The following ANKFN1 variants were observed in gnomAD, a reference collection of about 807,000 sequenced individuals.
ANKFN1 encodes the protein ankyrin repeat and fibronectin type-III domain-containing protein 1.
Under a neutral mutation model 108.7 loss-of-function variants are expected in ANKFN1, and 74 were observed. The ratio of observed to expected loss-of-function variants is 0.68; its 90% CI spans 0.56 to 0.83. The LOEUF (loss-of-function observed/expected upper bound fraction) is 0.83. Ranked by LOEUF, ANKFN1 falls within the 40% of genes least tolerant of loss-of-function variation. The probability of loss-of-function intolerance (pLI) is 0.00; values close to 1 mark genes in which losing one functional copy is unlikely to be tolerated. For missense variants in ANKFN1, 1,505 were observed against 1,382.3 expected (o/e 1.09, Z -1.41); for synonymous variants, 547 against 516.2 (o/e 1.06, Z -0.81).
intron 6 of ANKFN1, among the ~76,000 whole-genome samples, chr17:56,371,169 G>C (rs891170021): frequency 6.6e-6 from 1 of 152,002 alleles, no homozygotes; most frequent in Non-Finnish European, 1.5e-5. Flanking sequence ...ACAGTATTTA[G>C]AGTACATGAT....
At chr17:56,051,544 A>G (rs897908321) in intron 4 of ANKFN1, among the ~76,000 whole-genome samples, 19 of 143,608 alleles carry the variant, frequency 1.3e-4, no homozygotes, top group African/African-American at 5.0e-4. Context: ...CTCCTATTCA[A>G]CATAGTGTTG....
chr17:56,277,826 A>G (rs368802249), intron 3 of ANKFN1, among the ~76,000 whole-genome samples: 1 of 152,202 alleles, frequency 6.6e-6, no homozygotes, highest in African/African-American at 2.4e-5. Context: ...CAGTATAGGT[A>G]TATGTTTATG....
intron 8 of ANKFN1, among the ~76,000 whole-genome samples, chr17:56,430,663 G>A (rs918555866): frequency 6.6e-6 from 1 of 151,950 alleles, no homozygotes; most frequent in Non-Finnish European, 1.5e-5. Flanking sequence ...AAATTTAATG[G>A]CAACTGCTAA....
rs549195277 is a variant in ANKFN1, at chr17:56,237,979, T to C, written c.53+10022T>C. Among the ~76,000 whole-genome samples the C allele has an allele frequency of 2.0e-5, 3 of 152,282 alleles. No individual in the cohort carries two copies. In the South Asian group the frequency reaches 6.2e-4, roughly 32 times the overall value. ...CCAGAGATTCTGGTATGTTTTATCA[T>C]TGTTCTCATTAGTTTCAAAGAACTT... On this transcript the variant is annotated intron_variant, in intron 3 of 20. Transcript: ENST00000682825.
chr17:56,347,439 T>G (rs958681097), intron 4 of ANKFN1, among the ~76,000 whole-genome samples: 1 of 152,070 alleles, frequency 6.6e-6, no homozygotes, highest in Admixed American at 6.6e-5. Flanking sequence ...ATTCATAGAA[T>G]TGAAATGAGA....
At chr17:56,250,155 C>T (rs1266428155) in intron 3 of ANKFN1, among the ~76,000 whole-genome samples, 1 of 152,134 alleles carries the variant, frequency 6.6e-6, no homozygotes, top group African/African-American at 2.4e-5. Flanking sequence ...TTCTGTATTT[C>T]CTTTGGAAAC....
chr17:56,196,030 G>C (rs886487932), intron 1 of ANKFN1, among the ~76,000 whole-genome samples: 2 of 152,180 alleles, frequency 1.3e-5, no homozygotes, highest in Non-Finnish European at 2.9e-5. Context: ...ACCTTGGAAG[G>C]CTGAGGCAGG....
chr17:56,423,956 T>C (rs1427392675), intron 8 of ANKFN1, among the ~76,000 whole-genome samples: 1 of 152,178 alleles, frequency 6.6e-6, no homozygotes, highest in African/African-American at 2.4e-5. Flanking sequence ...CCTGAGTACA[T>C]AAAGATGTTT....
At chr17:56,287,977 C>T (rs1211641588) in intron 3 of ANKFN1, among the ~76,000 whole-genome samples, 1 of 152,104 alleles carries the variant, frequency 6.6e-6, no homozygotes, top group Admixed American at 6.5e-5. Flanking sequence ...AGTAAGTTAC[C>T]CTCAGATGCC....
chr17:56,326,075 C>G (rs1039783881), intron 3 of ANKFN1, 146 bp from the exon 4 acceptor site: 1 of 1,118,726 alleles, frequency 8.9e-7, no homozygotes. Context: ...AGAGAATACA[C>G]CTAGCCTCTG....
chr17:56,260,069 G>A (rs2043469270), intron 3 of ANKFN1, among the ~76,000 whole-genome samples: 1 of 152,150 alleles, frequency 6.6e-6, no homozygotes. Flanking sequence ...TGCAAGGATA[G>A]GCAAAAATAG....
chr17:56,319,707 AAG>A (rs923916023), intron 3 of ANKFN1, among the ~76,000 whole-genome samples: 1 of 152,136 alleles, frequency 6.6e-6, no homozygotes, highest in African/African-American at 2.4e-5. Context: ...GCTCCTTTTA[AAG>A]AGAGTTAGGT....
intron 6 of ANKFN1, among the ~76,000 whole-genome samples, chr17:56,368,375 G>T (rs1431473273): frequency 7.4e-6 from 1 of 135,360 alleles, no homozygotes; most frequent in Non-Finnish European, 1.5e-5. Flanking sequence ...CGCCTCCCAG[G>T]TTCAAGCAAT....
At chr17:56,066,235 A>G (rs946233753) in intron 4 of ANKFN1, among the ~76,000 whole-genome samples, 2 of 152,222 alleles carry the variant, frequency 1.3e-5, no homozygotes, top group Admixed American at 1.3e-4. Context: ...TAAAGGAAGA[A>G]GGCTTGGAGA....
intron 3 of ANKFN1, among the ~76,000 whole-genome samples, chr17:56,285,436 A>G (rs1194027921): frequency 6.6e-6 from 1 of 152,178 alleles, no homozygotes; most frequent in Non-Finnish European, 1.5e-5. Context: ...AATAAACTCC[A>G]GATGACTCCT....
At chr17:56,270,719 C>T (rs2043770379) in intron 3 of ANKFN1, among the ~76,000 whole-genome samples, 1 of 152,196 alleles carries the variant, frequency 6.6e-6, no homozygotes, top group South Asian at 2.1e-4. Context: ...TCCTCATTCA[C>T]TCTACTGCAG....
At chr17:56,181,407 G>A (rs1445321201) in intron 1 of ANKFN1, among the ~76,000 whole-genome samples, 2 of 152,146 alleles carry the variant, frequency 1.3e-5, no homozygotes, top group African/African-American at 4.8e-5. Flanking sequence ...TAAATAGTGT[G>A]TCATTTCTTC....
intron 3 of ANKFN1, among the ~76,000 whole-genome samples, chr17:56,315,144 A>C (rs2045163582): frequency 6.6e-6 from 1 of 152,206 alleles, no homozygotes; most frequent in Non-Finnish European, 1.5e-5. Context: ...ACATTGCAGT[A>C]AGTTAATGTT....
intron 1 of ANKFN1, among the ~76,000 whole-genome samples, chr17:56,155,365 G>A (rs572632646): frequency 1.3e-5 from 2 of 152,340 alleles, no homozygotes; most frequent in South Asian, 4.1e-4. Context: ...GCTTCTCACT[G>A]CTGAGAGGTC....
Sources: allele counts gnomAD v4.1 joint callset (sites outside exome capture counted in the v4.1 genomes callset), GRCh38; gene constraint gnomAD v4.1.1; transcripts MANE v1.5; gene names NCBI Gene and HGNC (gene_info 2026-07-23, HGNC 2026-07-21).